ARHGAP26: variants seen among roughly 807,000 people sequenced by gnomAD.
ARHGAP26 encodes the protein rho GTPase-activating protein 26.
In ARHGAP26, 38 loss-of-function variants were observed where a neutral mutation model predicts 104.8. That is an observed-to-expected ratio of 0.36 (90% CI 0.28 to 0.48). The LOEUF is 0.48. ARHGAP26 is among the 20% of genes least tolerant of loss of function. The probability of loss-of-function intolerance (pLI) is 0.99; values close to 1 mark genes in which losing one functional copy is unlikely to be tolerated. For missense variants in ARHGAP26, 704 were observed against 947.9 expected, an observed-to-expected ratio of 0.74 and a Z score of 3.38; for synonymous variants, 341 against 340.0, an observed-to-expected ratio of 1.00 and a Z score of -0.03.
chr5:142,774,356 T>G (rs1045585422), intron 1 of ARHGAP26, among the ~76,000 whole-genome samples: 1 of 152,136 alleles, frequency 6.6e-6, no homozygotes, highest in African/African-American at 2.4e-5. Context: ...AGTCTGTAGT[T>G]CTCAATTCAT....
intron 1 of ARHGAP26, among the ~76,000 whole-genome samples, chr5:142,819,113 T>A (rs1765643970): frequency 6.6e-6 from 1 of 152,186 alleles, no homozygotes; most frequent in Non-Finnish European, 1.5e-5. Flanking sequence ...ACTTTTTCTC[T>A]AGGGCAGCTG....
chr5:143,189,699 CAT>C (rs1319252979), intron 20 of ARHGAP26, among the ~76,000 whole-genome samples: 2 of 151,980 alleles, frequency 1.3e-5, no homozygotes, highest in Non-Finnish European at 2.9e-5. Context: ...CATTAGAAAA[CAT>C]AAAAAATATA....
chr5:142,952,415 C>T (rs1343444154), intron 11 of ARHGAP26, among the ~76,000 whole-genome samples: 1 of 152,132 alleles, frequency 6.6e-6, no homozygotes, highest in Non-Finnish European at 1.5e-5. Context: ...GAGGTACTCT[C>T]ATCTGTTTTG....
chr5:143,055,956 C>G lies in ARHGAP26; in HGVS notation c.1374-72C>G. On this transcript the variant is annotated intron_variant, in intron 15 of 22. Coordinates refer to ENST00000645722, the MANE Select transcript of ARHGAP26 (RefSeq NM_001135608.3). ...GAAATGTATTACAGTTTGTCAGTCT[C>G]TAGGCTGCTATTTAGAGAGAATATG... 2.8e-6 allele frequency: 3 copies of G among 1,080,608 alleles called. No individual in the cohort carries two copies. In the Admixed American group the frequency reaches 5.8e-5, roughly 21 times the overall value. 66.9% of individuals were successfully genotyped at this position (1,080,608 alleles called of 1,614,324 possible).
intron 9 of ARHGAP26, among the ~76,000 whole-genome samples, chr5:142,909,907 C>T (rs1292880714): frequency 6.6e-6 from 1 of 152,160 alleles, no homozygotes; most frequent in Non-Finnish European, 1.5e-5. Flanking sequence ...TTCTCTATTC[C>T]TTTCTTATCA....
At chr5:143,114,546 T>G (rs1355522372) in intron 17 of ARHGAP26, among the ~76,000 whole-genome samples, 2 of 152,218 alleles carry the variant, frequency 1.3e-5, no homozygotes, top group African/African-American at 4.8e-5. Context: ...TCCAGCAGCT[T>G]CATTTCCAGC....
intron 11 of ARHGAP26, among the ~76,000 whole-genome samples, chr5:142,957,882 A>G (rs1025048669): frequency 6.6e-6 from 1 of 152,220 alleles, no homozygotes; most frequent in Admixed American, 6.5e-5. Context: ...TGCGTTTTGC[A>G]CATGCTCAGG....
At chr5:142,880,515 T>C (rs1237625414) in intron 4 of ARHGAP26, among the ~76,000 whole-genome samples, 1 of 113,176 alleles carries the variant, frequency 8.8e-6, no homozygotes, top group Admixed American at 8.4e-5. Flanking sequence ...AGACTCCATG[T>C]CCAAAAAAAA....
At position 143,055,566 on chromosome 5, in the gene ARHGAP26, T is replaced by C. The variant is rs184014652; in HGVS notation, c.1374-462T>C. Among the ~76,000 whole-genome samples the C allele has an allele frequency of 1.9e-3, 287 of 152,328 alleles. 1 individual carries two copies. The highest frequency in any genetic ancestry group is 6.6e-3 in the African/African-American group (275 of 41,580). On this transcript the variant is annotated intron_variant, in intron 15 of 22. Coordinates refer to ENST00000645722, the MANE Select transcript of ARHGAP26 (RefSeq NM_001135608.3). ...CCTAATGTTAGGGGTTCTAGCATTCTGGAGCAATACTCCATAGTGAATTCA... is the reference window on the plus strand; with the variant it reads ...CCTAATGTTAGGGGTTCTAGCATTCCGGAGCAATACTCCATAGTGAATTCA...
intron 1 of ARHGAP26, among the ~76,000 whole-genome samples, chr5:142,864,101 C>A (rs931165190): frequency 6.6e-6 from 1 of 152,082 alleles, no homozygotes; most frequent in Admixed American, 6.5e-5. Flanking sequence ...TGTGTGGTCT[C>A]CTCTTAATTC....
chr5:143,004,038 A>AAG (rs1777584257), intron 11 of ARHGAP26, among the ~76,000 whole-genome samples: 1 of 141,030 alleles, frequency 7.1e-6, no homozygotes, highest in Non-Finnish European at 1.6e-5. Context: ...AAAAAAAAAA[A>AAG]GGAAAGTGAC....
chr5:142,910,428 T>G (rs114242834), intron 9 of ARHGAP26, among the ~76,000 whole-genome samples: 21 of 152,290 alleles, frequency 1.4e-4, no homozygotes, highest in African/African-American at 4.6e-4. Context: ...GTGATGTTGT[T>G]GTATATATTT....
chr5:143,005,101 C>A (rs148076523), intron 11 of ARHGAP26, among the ~76,000 whole-genome samples: 1 of 152,018 alleles, frequency 6.6e-6, no homozygotes, highest in Non-Finnish European at 1.5e-5. Context: ...AAAAAATTAC[C>A]ACAACCCTTG....
chr5:142,796,882 G>T (rs1280104330), intron 1 of ARHGAP26, among the ~76,000 whole-genome samples: 1 of 152,204 alleles, frequency 6.6e-6, no homozygotes, highest in Non-Finnish European at 1.5e-5. Context: ...GGTTGTTTAG[G>T]TCTCAACACA....
chr5:142,781,196 G>A (rs1431216926), intron 1 of ARHGAP26, among the ~76,000 whole-genome samples: 2 of 152,176 alleles, frequency 1.3e-5, no homozygotes, highest in African/African-American at 4.8e-5. Flanking sequence ...GCCCAAGGGG[G>A]CAGTGTGGTC....
intron 20 of ARHGAP26, among the ~76,000 whole-genome samples, chr5:143,167,842 T>G (rs1802222610): frequency 6.6e-6 from 1 of 152,212 alleles, no homozygotes; most frequent in African/African-American, 2.4e-5. Flanking sequence ...AGTGGAAGCA[T>G]TTTTTGAGCT....
intron 17 of ARHGAP26, among the ~76,000 whole-genome samples, chr5:143,109,744 C>G (rs1794534459): frequency 6.6e-6 from 1 of 152,126 alleles, no homozygotes; most frequent in Non-Finnish European, 1.5e-5. Context: ...CCGGCCATAT[C>G]TCTCTCTCTT....
chr5:142,913,376 T>A, intron 10 of ARHGAP26, 83 bp downstream of exon 10: 3 of 1,318,936 alleles, frequency 2.3e-6, no homozygotes, highest in South Asian at 2.4e-5. Flanking sequence ...AAACCTTTTC[T>A]GCTTTTTTCC....
At chr5:143,138,930 A>T (rs1283159900) in intron 19 of ARHGAP26, among the ~76,000 whole-genome samples, 1 of 152,216 alleles carries the variant, frequency 6.6e-6, no homozygotes, top group Admixed American at 6.5e-5. Context: ...CCTCAAAGTG[A>T]CACTGTTAAC....
Sources: allele counts gnomAD v4.1 joint callset (sites outside exome capture counted in the v4.1 genomes callset), GRCh38; gene constraint gnomAD v4.1.1; transcripts MANE v1.5; gene names NCBI Gene and HGNC (gene_info 2026-07-23, HGNC 2026-07-21).